ANKS1B: variants seen among roughly 807,000 people sequenced by gnomAD.
The protein encoded by ANKS1B is ankyrin repeat and sterile alpha motif domain containing 1B, also known as ankyrin repeat and sterile alpha motif domain-containing protein 1B.
In ANKS1B, 36 loss-of-function variants were observed where a neutral mutation model predicts 148.3. That is an observed-to-expected ratio of 0.24 (90% confidence interval 0.19 to 0.32). The LOEUF (loss-of-function observed/expected upper bound fraction) is 0.32. Ranked by LOEUF, ANKS1B falls within the 10% of genes least tolerant of loss-of-function variation. ANKS1B has a pLI of 1.00. For synonymous variants in ANKS1B, 542 were observed against 560.8 expected, an observed-to-expected ratio of 0.97 and a Z score of 0.47; for missense variants, 1,157 against 1,542.6, an observed-to-expected ratio of 0.75 and a Z score of 4.19.
At position 99,180,656 on chromosome 12, in the gene ANKS1B, C is replaced by T. The variant is rs115141982; in HGVS notation, c.2420-26261G>A. Reference sequence around the variant, plus strand: ...TTTTTTTTTTTTTTTTTAATCTGAACGAAATTTCAAAAAAGGGAATGCTTC... The same window carrying T: ...TTTTTTTTTTTTTTTTTAATCTGAATGAAATTTCAAAAAAGGGAATGCTTC... On this transcript the variant is annotated intron_variant, in intron 14 of 26. Coordinates refer to ENST00000683438, the MANE Select transcript of ANKS1B (RefSeq NM_001352186.2). Among the ~76,000 whole-genome samples, 772 of 126,376 alleles carry T rather than the reference C, an allele frequency of 6.1e-3. 6 individuals carry two copies. Among genetic ancestry groups the T allele is most frequent in the African/African-American group, 0.021 (693 of 33,440 alleles). The allele number at this position is 126,376 out of a possible 152,430, so 82.9% of individuals were successfully genotyped here.
At chr12:98,805,134 G>A (rs992586744) in intron 20 of ANKS1B, among the ~76,000 whole-genome samples, 5 of 152,038 alleles carry the variant, frequency 3.3e-5, no homozygotes, top group African/African-American at 1.2e-4. Flanking sequence ...AATGATTCAA[G>A]GTACTCCTAA....
At chr12:99,103,138 G>C (rs1307960431) in intron 15 of ANKS1B, among the ~76,000 whole-genome samples, 1 of 152,098 alleles carries the variant, frequency 6.6e-6, no homozygotes, top group African/African-American at 2.4e-5. Flanking sequence ...AAGCAAGGAT[G>C]GGTGAGGTGT....
intron 1 of ANKS1B, among the ~76,000 whole-genome samples, chr12:99,967,683 C>A (rs1340691213): frequency 6.6e-6 from 1 of 151,528 alleles, no homozygotes; most frequent in Non-Finnish European, 1.5e-5. Flanking sequence ...CTGAGGCGGG[C>A]GGATCACAAG....
intron 10 of ANKS1B, among the ~76,000 whole-genome samples, chr12:99,497,808 T>C (rs531743215): frequency 9.2e-5 from 14 of 152,074 alleles, no homozygotes; most frequent in African/African-American, 3.1e-4. Context: ...TCTTAAGACT[T>C]GATCACCCCT....
intron 18 of ANKS1B, chr12:98,831,174 C>G (rs896355442): frequency 6.6e-6 from 1 of 151,914 alleles, no homozygotes; most frequent in Admixed American, 6.6e-5. Context: ...GTCTAGATCT[C>G]CTGACCTCAT....
intron 16 of ANKS1B, among the ~76,000 whole-genome samples, chr12:99,058,017 G>T (rs2040869465): frequency 6.6e-6 from 1 of 152,048 alleles, no homozygotes; most frequent in Admixed American, 6.6e-5. Flanking sequence ...CTGAAATTTT[G>T]ATTACAGGGA....
intron 14 of ANKS1B, among the ~76,000 whole-genome samples, chr12:99,187,108 T>C (rs900106645): frequency 6.6e-6 from 1 of 151,602 alleles, no homozygotes; most frequent in East Asian, 2.0e-4. Context: ...ATCAACTTAA[T>C]GAAATCAAGC....
intron 14 of ANKS1B, among the ~76,000 whole-genome samples, chr12:99,212,491 A>G (rs953348563): frequency 1.3e-5 from 2 of 151,986 alleles, no homozygotes; most frequent in African/African-American, 4.8e-5. Context: ...CTCTGCTAAC[A>G]CTGCTTTGTC....
At chr12:99,331,254 C>T (rs1337123246) in intron 12 of ANKS1B, among the ~76,000 whole-genome samples, 5 of 151,722 alleles carry the variant, frequency 3.3e-5, no homozygotes, top group Non-Finnish European at 7.4e-5. Flanking sequence ...TACTTAACGT[C>T]CTAAAAAAAG....
At chr12:99,976,247 C>A (rs1261248732) in intron 1 of ANKS1B, among the ~76,000 whole-genome samples, 1 of 152,312 alleles carries the variant, frequency 6.6e-6, no homozygotes, top group East Asian at 1.9e-4. Flanking sequence ...ACTATGCTCA[C>A]TACCTAGGTG....
intron 17 of ANKS1B, among the ~76,000 whole-genome samples, chr12:98,952,834 A>T (rs538584513): frequency 2.2e-4 from 34 of 152,254 alleles, no homozygotes; most frequent in Admixed American, 5.2e-4. Context: ...TAGTCATCCA[A>T]GTTCAAAATC....
At chr12:98,812,438 A>G (rs1260837913) in intron 19 of ANKS1B, among the ~76,000 whole-genome samples, 1 of 152,240 alleles carries the variant, frequency 6.6e-6, no homozygotes, top group African/African-American at 2.4e-5. Flanking sequence ...TTGCATGACG[A>G]AATCACCTAA....
At chr12:99,821,764 T>C (rs1399641942) in intron 2 of ANKS1B, among the ~76,000 whole-genome samples, 2 of 152,016 alleles carry the variant, frequency 1.3e-5, no homozygotes, top group Admixed American at 6.6e-5. Flanking sequence ...AAAAATATGA[T>C]AGTAGCCTGA....
intron 1 of ANKS1B, among the ~76,000 whole-genome samples, chr12:99,921,603 A>G (rs1428430339): frequency 6.6e-6 from 1 of 152,126 alleles, no homozygotes; most frequent in Non-Finnish European, 1.5e-5. Flanking sequence ...ACTCCCCCCA[A>G]AAAATCTACT....
At chr12:99,718,055 T>C (rs549354257) in intron 8 of ANKS1B, among the ~76,000 whole-genome samples, 2,012 of 151,354 alleles carry the variant, frequency 0.013, 26 homozygotes, top group Non-Finnish European at 0.02. Context: ...AGGCGCCCGC[T>C]ACCACGCCCG....
At chr12:99,841,804 G>C (rs1257797375) in intron 1 of ANKS1B, among the ~76,000 whole-genome samples, 1 of 151,780 alleles carries the variant, frequency 6.6e-6, no homozygotes, top group Admixed American at 6.6e-5. Flanking sequence ...TAAATCGGTT[G>C]TTATTGTCCA....
chr12:98,973,366 A>G (rs2099885271), intron 17 of ANKS1B, among the ~76,000 whole-genome samples: 1 of 152,206 alleles, frequency 6.6e-6, no homozygotes, highest in African/African-American at 2.4e-5. Context: ...AGGTATTTCC[A>G]CCTGTATCTT....
At chr12:99,641,520 G>C (rs2098305451) in intron 9 of ANKS1B, among the ~76,000 whole-genome samples, 1 of 152,078 alleles carries the variant, frequency 6.6e-6, no homozygotes, top group Non-Finnish European at 1.5e-5. Context: ...ATAACAAATG[G>C]TCAATAAACA....
At chr12:99,411,880 T>C (rs374142279) in intron 11 of ANKS1B, among the ~76,000 whole-genome samples, 3 of 152,320 alleles carry the variant, frequency 2.0e-5, no homozygotes, top group East Asian at 3.9e-4. Context: ...CTGGGAGTAT[T>C]CTACAGTTCA....
Sources: gnomAD v4.1 joint callset for allele counts (sites outside exome capture counted in the v4.1 genomes callset) on GRCh38, gnomAD v4.1.1 for gene constraint, MANE v1.5 for transcripts, NCBI Gene and HGNC (gene_info 2026-07-23, HGNC 2026-07-21) for gene names.